The following CDH13 variants were observed in gnomAD, a reference collection of about 807,000 sequenced individuals.
CDH13 encodes the protein cadherin-13.
A neutral mutation model predicts 63.8 loss-of-function variants in CDH13; 24 were observed. The ratio of observed to expected loss-of-function variants is 0.38; its 90% CI spans 0.27 to 0.53. The LOEUF (loss-of-function observed/expected upper bound fraction) is 0.53. Among genes scored for constraint, CDH13 ranks in the 20% least tolerant of loss-of-function variants. The pLI is 0.85. For missense variants in CDH13, 1,049 were observed against 903.1 expected, an observed-to-expected ratio of 1.16 and a Z score of -2.07; for synonymous variants, 503 against 355.3, an observed-to-expected ratio of 1.42 and a Z score of -4.67.
intron 1 of CDH13, among the ~76,000 whole-genome samples, chr16:82,734,315 G>A (rs72837600): frequency 0.027 from 4,043 of 152,224 alleles, 100 homozygotes; most frequent in Non-Finnish European, 0.037. Flanking sequence ...TTACTATTTG[G>A]CCTTTTATAG....
chr16:82,988,352 G>T (rs1911217318), intron 2 of CDH13, among the ~76,000 whole-genome samples: 1 of 152,162 alleles, frequency 6.6e-6, no homozygotes, highest in Non-Finnish European at 1.5e-5. Context: ...ATCAGTGAAA[G>T]ATGGGCAGAT....
chr16:82,853,969 A>C (rs558827454), intron 1 of CDH13, among the ~76,000 whole-genome samples: 28 of 152,348 alleles, frequency 1.8e-4, no homozygotes, highest in Non-Finnish European at 3.8e-4. Context: ...GTAATGTCCA[A>C]GTTCTAATTC....
intron 6 of CDH13, among the ~76,000 whole-genome samples, chr16:83,386,140 A>C (rs1017720547): frequency 6.6e-6 from 1 of 152,236 alleles, no homozygotes; most frequent in African/African-American, 2.4e-5. Flanking sequence ...TGTTGAGGAA[A>C]CATGAGCTGC....
At chr16:83,128,381 G>A (rs965385658) in intron 4 of CDH13, among the ~76,000 whole-genome samples, 4 of 152,138 alleles carry the variant, frequency 2.6e-5, no homozygotes, top group Admixed American at 6.5e-5. Flanking sequence ...AAAAACTCTG[G>A]GGTTAAAGCC....
rs764228642 is a variant in CDH13 at position 82,836,618 on chromosome 16, T to C, written c.46-21744T>C. Among the ~76,000 whole-genome samples, 3 of 152,130 alleles carry C rather than the reference T, an allele frequency of 2.0e-5. No individual in the cohort carries two copies. In the South Asian group the frequency reaches 6.2e-4, roughly 32 times the overall value. On this transcript the variant is annotated intron_variant, in intron 1 of 13. Coordinates refer to ENST00000567109, the MANE Select transcript of CDH13 (RefSeq NM_001257.5). The stretch of plus-strand genomic sequence containing the variant: ...AGAGCACAGATAAGTTCTGGTATAA[T>C]GGAAATGACAGCGTCTTGGCATTTT...
intron 3 of CDH13, among the ~76,000 whole-genome samples, chr16:83,035,782 G>C (rs1916793589): frequency 6.6e-6 from 1 of 152,136 alleles, no homozygotes; most frequent in Admixed American, 6.5e-5. Context: ...CCTCTATGTA[G>C]TTTTGATTTT....
chr16:83,080,203 C>T (rs1311912540), intron 3 of CDH13, among the ~76,000 whole-genome samples: 1 of 152,032 alleles, frequency 6.6e-6, no homozygotes, highest in Non-Finnish European at 1.5e-5. Flanking sequence ...AAGAGCCCTT[C>T]AGCTCATTCT....
At chr16:83,151,339 T>C (rs1290455535) in intron 4 of CDH13, among the ~76,000 whole-genome samples, 1 of 152,194 alleles carries the variant, frequency 6.6e-6, no homozygotes, top group Non-Finnish European at 1.5e-5. Context: ...TGAATTAACA[T>C]ATTTGTGCTG....
intron 8 of CDH13, among the ~76,000 whole-genome samples, chr16:83,619,843 G>T (rs1909642697): frequency 6.6e-6 from 1 of 152,228 alleles, no homozygotes; most frequent in African/African-American, 2.4e-5. Context: ...TATCCTTAGG[G>T]GGAGACACAA....
At chr16:82,791,506 A>G (rs1407163686) in intron 1 of CDH13, among the ~76,000 whole-genome samples, 2 of 152,102 alleles carry the variant, frequency 1.3e-5, no homozygotes, top group Non-Finnish European at 2.9e-5. Flanking sequence ...CTCCCATTGT[A>G]TGGGAGCTCT....
At chr16:83,115,073 A>T (rs980098630) in intron 3 of CDH13, among the ~76,000 whole-genome samples, 6 of 152,196 alleles carry the variant, frequency 3.9e-5, no homozygotes, top group Non-Finnish European at 8.8e-5. Context: ...TTATCTAGTT[A>T]TACCTGAATA....
At chr16:83,436,274 A>G (rs1287121664) in intron 6 of CDH13, among the ~76,000 whole-genome samples, 1 of 152,192 alleles carries the variant, frequency 6.6e-6, no homozygotes, top group African/African-American at 2.4e-5. Flanking sequence ...CAATTTCGCT[A>G]CATATGTTTC....
intron 7 of CDH13, among the ~76,000 whole-genome samples, chr16:83,553,196 G>T (rs144646508): frequency 6.6e-6 from 1 of 152,296 alleles, no homozygotes; most frequent in African/African-American, 2.4e-5. Flanking sequence ...TGTAAGTTCG[G>T]AGCAGTCCTA....
At chr16:83,154,994 G>A (rs192319660) in intron 4 of CDH13, among the ~76,000 whole-genome samples, 32 of 152,198 alleles carry the variant, frequency 2.1e-4, no homozygotes, top group African/African-American at 7.0e-4. Flanking sequence ...AATAAACCTA[G>A]GTCAATTATT....
intron 8 of CDH13, among the ~76,000 whole-genome samples, chr16:83,653,346 C>T (rs540997181): frequency 6.9e-4 from 105 of 152,256 alleles, no homozygotes; most frequent in African/African-American, 2.5e-3. Context: ...GAAAAAACTG[C>T]ATAGCACCAT....
intron 6 of CDH13, among the ~76,000 whole-genome samples, chr16:83,430,514 A>G (rs1000954547): frequency 3.3e-5 from 5 of 152,228 alleles, no homozygotes; most frequent in African/African-American, 7.2e-5. Flanking sequence ...ATTGAAAGCA[A>G]AATTAAATGT....
intron 2 of CDH13, among the ~76,000 whole-genome samples, chr16:83,007,514 G>A (rs1913654736): frequency 6.6e-6 from 1 of 151,980 alleles, no homozygotes; most frequent in African/African-American, 2.4e-5. Flanking sequence ...TTTCCCTAAG[G>A]GCTAAAAAAT....
At chr16:83,525,760 T>C (rs1480529969) in intron 7 of CDH13, among the ~76,000 whole-genome samples, 1 of 152,152 alleles carries the variant, frequency 6.6e-6, no homozygotes, top group African/African-American at 2.4e-5. Context: ...TCCACTCTAA[T>C]CCAATGAGTC....
At chr16:83,054,899 A>C (rs2030759104) in intron 3 of CDH13, among the ~76,000 whole-genome samples, 1 of 152,162 alleles carries the variant, frequency 6.6e-6, no homozygotes, top group Non-Finnish European at 1.5e-5. Context: ...TGCATTCTGC[A>C]GTGTTCACGT....
Sources: gnomAD v4.1 joint callset for allele counts (sites outside exome capture counted in the v4.1 genomes callset) on GRCh38, gnomAD v4.1.1 for gene constraint, MANE v1.5 for transcripts, NCBI Gene and HGNC (gene_info 2026-07-23, HGNC 2026-07-21) for gene names.